ABTB3: variants seen among roughly 807,000 people sequenced by gnomAD.
ABTB3 encodes ankyrin repeat- and BTB/POZ domain-containing protein 3.
chr12:107,522,764 A>G, the ABTB3 span, among the ~76,000 whole-genome samples: 1 of 142,256 alleles, frequency 7.0e-6, no homozygotes, highest in South Asian at 2.6e-4. Context: ...GGAAGGAATG[A>G]AGGAAGGAAA....
the ABTB3 span, among the ~76,000 whole-genome samples, chr12:107,386,199 G>C: frequency 6.6e-6 from 1 of 152,086 alleles, no homozygotes; most frequent in Non-Finnish European, 1.5e-5. Context: ...CCTCCTTCAG[G>C]CCTCAATCAA....
At chr12:107,389,359 A>C in the ABTB3 span, among the ~76,000 whole-genome samples, 1 of 152,198 alleles carries the variant, frequency 6.6e-6, no homozygotes, top group Admixed American at 6.5e-5. Context: ...TAAGCTCACT[A>C]TCATCTTAGT....
chr12:107,356,601 G>T, the ABTB3 span, among the ~76,000 whole-genome samples: 1 of 152,158 alleles, frequency 6.6e-6, no homozygotes, highest in African/African-American at 2.4e-5. Context: ...GATCCCTGAT[G>T]GAAAAATTAG....
At chr12:107,627,732 A>T in the ABTB3 span, among the ~76,000 whole-genome samples, 1 of 152,208 alleles carries the variant, frequency 6.6e-6, no homozygotes, top group African/African-American at 2.4e-5. Context: ...CTTGGAAATC[A>T]TCTAGCCCAG....
chr12:107,642,240 C>A, the ABTB3 span: 2 of 1,442,804 alleles, frequency 1.4e-6, no homozygotes, highest in African/African-American at 2.8e-5. Flanking sequence ...CTCAGATCCT[C>A]AGCCTGAGGA....
the ABTB3 span, among the ~76,000 whole-genome samples, chr12:107,520,952 A>G: frequency 2.0e-5 from 3 of 152,150 alleles, no homozygotes; most frequent in Admixed American, 6.5e-5. Context: ...CGGTGATTCA[A>G]TGAGCTCACA....
chr12:107,610,445 C>CCCAGCGCCTGCAG, the ABTB3 span: 2 of 1,510,672 alleles, frequency 1.3e-6, no homozygotes, highest in Non-Finnish European at 1.8e-6. Context: ...ATCCCCTCTG[C>CCCAGCGCCTGCAG]AGGCGCTGGG....
At chr12:107,494,834 G>A in the ABTB3 span, among the ~76,000 whole-genome samples, 1 of 152,142 alleles carries the variant, frequency 6.6e-6, no homozygotes, top group Non-Finnish European at 1.5e-5. Context: ...CCACAGTTAG[G>A]GGAGTTCATC....
At chr12:107,477,123 T>TA in the ABTB3 span, among the ~76,000 whole-genome samples, 1 of 152,116 alleles carries the variant, frequency 6.6e-6, no homozygotes, top group Non-Finnish European at 1.5e-5. Flanking sequence ...TCTCTGCACT[T>TA]AAAATCAAGG....
chr12:107,450,117 A>G, the ABTB3 span, among the ~76,000 whole-genome samples: 3 of 151,834 alleles, frequency 2.0e-5, no homozygotes, highest in Non-Finnish European at 4.4e-5. Context: ...CAGCTCACAG[A>G]GACTGGTAGG....
chr12:107,457,034 AT>A, the ABTB3 span, among the ~76,000 whole-genome samples: 1 of 151,966 alleles, frequency 6.6e-6, no homozygotes, highest in Non-Finnish European at 1.5e-5. Context: ...TAATTTTTGC[AT>A]TTTTTAAGTA....
chr12:107,643,377 T>C, the ABTB3 span, among the ~76,000 whole-genome samples: 6 of 131,618 alleles, frequency 4.6e-5, no homozygotes, highest in Non-Finnish European at 9.2e-5. Context: ...CACTCCAGCC[T>C]GAGCAACAGA....
the ABTB3 span, among the ~76,000 whole-genome samples, chr12:107,632,995 G>A: frequency 6.6e-6 from 1 of 152,186 alleles, no homozygotes; most frequent in Non-Finnish European, 1.5e-5. Context: ...CCTCCCGTCT[G>A]AAGTCCTTTT....
chr12:107,577,726 C>G, the ABTB3 span, among the ~76,000 whole-genome samples: 1 of 152,124 alleles, frequency 6.6e-6, no homozygotes, highest in African/African-American at 2.4e-5. Flanking sequence ...TCATCTCAGG[C>G]CACGTGGTTG....
chr12:107,538,855 C>T, the ABTB3 span, among the ~76,000 whole-genome samples: 51 of 152,260 alleles, frequency 3.3e-4, 1 homozygote, highest in East Asian at 5.8e-3. Context: ...GAGTCTGTGA[C>T]GGCACAGACT....
chr12:107,347,966 C>T, the ABTB3 span, among the ~76,000 whole-genome samples: 1 of 151,948 alleles, frequency 6.6e-6, no homozygotes, highest in African/African-American at 2.4e-5. Context: ...ACAGGCTTGC[C>T]AGTGGGCTGG....
At chr12:107,542,420 A>G in the ABTB3 span, among the ~76,000 whole-genome samples, 1 of 152,180 alleles carries the variant, frequency 6.6e-6, no homozygotes, top group South Asian at 2.1e-4. Flanking sequence ...GGGCAAGTGC[A>G]TTAAATAATA....
the ABTB3 span, among the ~76,000 whole-genome samples, chr12:107,535,645 C>T: frequency 6.6e-6 from 1 of 152,000 alleles, no homozygotes; most frequent in African/African-American, 2.4e-5. Flanking sequence ...GAAAAACAAA[C>T]CAAGAAAGCA....
the ABTB3 span, among the ~76,000 whole-genome samples, chr12:107,386,271 TA>T: frequency 6.6e-6 from 1 of 152,204 alleles, no homozygotes; most frequent in Admixed American, 6.5e-5. Context: ...TACAGAAGAT[TA>T]TATTCCTCTC....
Sources: gnomAD v4.1 joint callset for allele counts (sites outside exome capture counted in the v4.1 genomes callset) on GRCh38, gnomAD v4.1.1 for gene constraint, MANE v1.5 for transcripts, NCBI Gene and HGNC (gene_info 2026-07-23, HGNC 2026-07-21) for gene names.